The following PSME4 variants were observed in gnomAD, a reference collection of about 807,000 sequenced individuals.
PSME4 encodes the protein proteasome activator complex subunit 4.
PSME4 carries 89 observed loss-of-function variants against 253.9 expected under a neutral mutation model. The observed-to-expected ratio is 0.35, with a 90% CI of 0.30 to 0.42. The LOEUF is 0.42. Among genes scored for constraint, PSME4 ranks in the 10% least tolerant of loss-of-function variants. The pLI is 1.00. For synonymous variants in PSME4, 851 were observed against 759.2 expected, an observed-to-expected ratio of 1.12 and a Z score of -1.99; for missense variants, 2,014 against 2,195.2, an observed-to-expected ratio of 0.92 and a Z score of 1.65.
intron 43 of PSME4, among the ~76,000 whole-genome samples, chr2:53,873,742 A>AT (rs1679000845): frequency 6.6e-6 from 1 of 152,212 alleles, no homozygotes; most frequent in African/African-American, 2.4e-5. Flanking sequence ...CATCATGCAC[A>AT]TTCTCATGAG....
chr2:53,936,907 A>C, intron 5 of PSME4, 80 bp from the exon 6 acceptor site: 1 of 965,354 alleles, frequency 1.0e-6, no homozygotes, highest in Non-Finnish European at 1.6e-6. Context: ...CTTTTTTATA[A>C]TCTATTATTC....
Position 53,968,099 on chromosome 2 carries a change from C to T in PSME4, c.242+2444G>A, listed in dbSNP as rs552214122. ...ACCAGCCTGACCAACATGGTGAAAC[C>T]CTGTCTCTACTAAAAATACAAAAAA... On this transcript the variant is annotated intron_variant, in intron 1 of 46. Coordinates refer to ENST00000404125, the MANE Select transcript of PSME4 (RefSeq NM_014614.3). 7.9e-5 allele frequency among the ~76,000 whole-genome samples: 12 copies of T among 151,912 alleles called. No homozygotes were observed. The East Asian group carries it at 2.3e-3, about 29-fold the overall frequency.
chr2:53,882,607 T>C (rs1679443692), intron 41 of PSME4, among the ~76,000 whole-genome samples: 2 of 152,178 alleles, frequency 1.3e-5, no homozygotes, highest in African/African-American at 4.8e-5. Context: ...TCATGGGCCA[T>C]GGAGATGAAT....
chr2:53,876,716 C>CTTTTTTTTTTTTTT lies in PSME4; in HGVS notation c.4816-975_4816-962dup, dbSNP rs10599430. Among the ~76,000 whole-genome samples the CTTTTTTTTTTTTTT allele has an allele frequency of 1.7e-4, 17 of 97,844 alleles. 1 individual carries two copies. The highest frequency in any genetic ancestry group is 8.4e-4 in the South Asian group (2 of 2,370). The allele number at this position is 97,844 out of a possible 152,430, so 64.2% of individuals were successfully genotyped here. ...TCTGATGGCTGTAGCCACTGTCATT[C>CTTTTTTTTTTTTTT]TTTTTTTTTTTTTTTTTTTTGAGAC... is the stretch of plus-strand genomic sequence containing the variant. On this transcript the variant is annotated intron_variant, in intron 41 of 46. Transcript: ENST00000404125.
chr2:53,920,820 T>C (rs1056654144), intron 18 of PSME4, 69 bp downstream of exon 18: 8 of 1,293,516 alleles, frequency 6.2e-6, no homozygotes, highest in Non-Finnish European at 8.8e-6. Flanking sequence ...CAAGAAAAAA[T>C]AACACTTTGA....
intron 1 of PSME4, among the ~76,000 whole-genome samples, chr2:53,956,245 T>C (rs1255969891): frequency 3.9e-5 from 6 of 152,198 alleles, no homozygotes; most frequent in East Asian, 1.9e-4. Flanking sequence ...TAAAAGTAAA[T>C]AGGCTGGGCC....
intron 1 of PSME4, among the ~76,000 whole-genome samples, chr2:53,964,956 A>G (rs1279863315): frequency 6.6e-6 from 1 of 152,226 alleles, no homozygotes; most frequent in East Asian, 1.9e-4. Flanking sequence ...AATTAAAATG[A>G]CTTCACATTA....
At chr2:53,963,662 G>A (rs772250340) in intron 1 of PSME4, among the ~76,000 whole-genome samples, 3 of 152,156 alleles carry the variant, frequency 2.0e-5, no homozygotes, top group Admixed American at 6.6e-5. Context: ...CTATTTTCTT[G>A]ATCTCTGTCC....
rs750123860 is a variant in PSME4, at chr2:53,864,899, C to T, written c.*679G>A. On this transcript the variant is annotated 3_prime_UTR_variant, in exon 47 of 47. Coordinates refer to ENST00000404125, the MANE Select transcript of PSME4 (RefSeq NM_014614.3). ...TTGTTGCTGTTTATTTTTAAAATCA[C>T]ACATTGAATACACACAACAATCAGA... is the stretch of plus-strand genomic sequence containing the variant. 10 of 152,604 alleles carry T rather than the reference C, an allele frequency of 6.6e-5. No individual in the cohort carries two copies. The highest frequency in any genetic ancestry group is 1.3e-4 in the Admixed American group (2 of 15,280). 9.5% of individuals were successfully genotyped at this position (152,604 alleles called of 1,614,324 possible). A position where few individuals can be genotyped will look rare whatever the true frequency, so the allele number is the denominator to read the frequency against.
chr2:53,923,290 T>C (rs368702439), intron 15 of PSME4, 31 bp downstream of exon 15: 4 of 1,578,356 alleles, frequency 2.5e-6, no homozygotes, highest in African/African-American at 2.7e-5. Context: ...TGTTGAGTCA[T>C]TAATACATCA....
intron 41 of PSME4, chr2:53,881,576 C>A (rs1679391415): frequency 6.6e-6 from 1 of 151,908 alleles, no homozygotes; most frequent in Non-Finnish European, 1.5e-5. Flanking sequence ...TGCAAGGTCA[C>A]AAAGAAAGCA....
chr2:53,876,913 GAATCTCACTGTGTTGCCCAGATTGGTCTC>G (rs2104414922), intron 41 of PSME4, among the ~76,000 whole-genome samples: 1 of 151,376 alleles, frequency 6.6e-6, no homozygotes, highest in South Asian at 2.1e-4. Context: ...GGTAGAGACA[GAATCTCACTGTGTTGCCCAGATTGGTCTC>G]AAACTCCTGG....
intron 4 of PSME4, among the ~76,000 whole-genome samples, chr2:53,938,263 T>C (rs1238601656): frequency 6.6e-6 from 1 of 152,118 alleles, no homozygotes; most frequent in Non-Finnish European, 1.5e-5. Flanking sequence ...TCTAGGCATG[T>C]TGAATAAACC....
At chr2:53,867,669 CAAAAAAA>C (rs35848517) in intron 44 of PSME4, among the ~76,000 whole-genome samples, 4 of 98,540 alleles carry the variant, frequency 4.1e-5, no homozygotes, top group South Asian at 3.1e-4. Context: ...GACCTTACCT[CAAAAAAA>C]AAAAAAAAAA....
rs762864542 is a variant in PSME4, at chr2:53,869,426, T to G, written c.5213A>C (p.Lys1738Thr). The change falls in exon 44 of 47, where the codon AAG becomes ACG. Residue 1738 changes from lysine (K) to threonine (T), a missense_variant. Transcript: ENST00000404125. ...FEQLCKTKLPKKRKRDPGSVG... is the reference protein window; with the variant it reads ...FEQLCKTKLPTKRKRDPGSVG... The stretch of plus-strand genomic sequence containing the variant: ...AGAACCAGGGTCTCGCTTTCTTTTC[T>G]TAGGTAGTTTTGTTTTGCAAAGTTG... 12 of 1,610,548 alleles carry G rather than the reference T, an allele frequency of 7.5e-6. No individual in the cohort carries two copies. The East Asian group carries it at 2.7e-4, about 36-fold the overall frequency.
In PSME4 at chr2:53,936,169, T is replaced by C. The variant is rs369208737; in HGVS notation, c.760-8A>G. 3 of 1,613,082 alleles carry C rather than the reference T, an allele frequency of 1.9e-6. No individual in the cohort carries two copies. Among genetic ancestry groups the C allele is most frequent in the Middle Eastern group, 1.6e-4 (1 of 6,076 alleles). On this transcript the variant is annotated splice_polypyrimidine_tract_variant and splice_region_variant and intron_variant, in intron 6 of 46. Coordinates refer to ENST00000404125, the MANE Select transcript of PSME4 (RefSeq NM_014614.3). ...AAAGAGATTTACTAGTTGCTGAAAG[T>C]AAACAAAAAGGACAAAGTTAATATA...
intron 3 of PSME4, among the ~76,000 whole-genome samples, chr2:53,946,108 A>T (rs773583427): frequency 6.6e-6 from 1 of 152,214 alleles, no homozygotes; most frequent in Non-Finnish European, 1.5e-5. Flanking sequence ...AAATTTCCAG[A>T]CAAACAGCTC....
chr2:53,940,973 A>ATATT (rs1669413449), intron 3 of PSME4, among the ~76,000 whole-genome samples: 1 of 61,116 alleles, frequency 1.6e-5, no homozygotes, highest in Non-Finnish European at 3.7e-5. Context: ...ATATATATAT[A>ATATT]TATATATATA....
At position 53,970,414 on chromosome 2, in the gene PSME4, C is replaced by A. The variant is rs1671009462; in HGVS notation, c.242+129G>T. 23 of 1,461,034 alleles carry A rather than the reference C, an allele frequency of 1.6e-5. No individual in the cohort carries two copies. In the South Asian group the frequency reaches 3.0e-4, roughly 19 times the overall value. The allele number at this position is 1,461,034 out of a possible 1,614,324, so 90.5% of individuals were successfully genotyped here. ...ACAGGCTCTGTCACGACCCTGGGAT[C>A]ACCGCTCGGGGACAGCTCCAGCGAG... On this transcript the variant is annotated intron_variant, in intron 1 of 46. Transcript: ENST00000404125.
Sources: gnomAD v4.1 joint callset for allele counts (sites outside exome capture counted in the v4.1 genomes callset) on GRCh38, gnomAD v4.1.1 for gene constraint, MANE v1.5 for transcripts, NCBI Gene and HGNC (gene_info 2026-07-23, HGNC 2026-07-21) for gene names.